Variants in KATNAL1 observed in about 807,000 individuals in gnomAD.
KATNAL1 encodes katanin p60 ATPase-containing subunit A-like 1.
KATNAL1 carries 32 observed loss-of-function variants against 55.2 expected under a neutral mutation model. The ratio of observed to expected loss-of-function variants is 0.58; its 90% CI spans 0.44 to 0.78. The LOEUF (loss-of-function observed/expected upper bound fraction) is 0.78. KATNAL1 is among the 30% of genes least tolerant of loss of function. KATNAL1 has a pLI of 0.00. For missense variants in KATNAL1, 466 were observed against 600.9 expected (o/e 0.78, Z 2.35); for synonymous variants, 193 against 193.6 (o/e 1.00, Z 0.02).
intron 2 of KATNAL1, 41 bp from the exon 3 acceptor site, chr13:30,280,264 A>T: frequency 6.8e-7 from 1 of 1,468,270 alleles, no homozygotes; most frequent in Non-Finnish European, 9.1e-7. Context: ...AAGCTGTTTA[A>T]ATACTTCATA....
At chr13:30,245,975 C>T (rs11618584) in intron 4 of KATNAL1, among the ~76,000 whole-genome samples, 21,859 of 152,078 alleles carry the variant, frequency 0.14, 1,802 homozygotes, top group Middle Eastern at 0.2. Context: ...TACTGCCCAA[C>T]GTAATTTACA....
intron 3 of KATNAL1, among the ~76,000 whole-genome samples, chr13:30,271,479 C>T (rs1880351064): frequency 6.6e-6 from 1 of 152,254 alleles, no homozygotes; most frequent in East Asian, 1.9e-4. Flanking sequence ...GAAGACACAT[C>T]ACATGGCCAG....
chr13:30,248,740 C>T (rs1039039450), intron 4 of KATNAL1, among the ~76,000 whole-genome samples: 2 of 152,232 alleles, frequency 1.3e-5, no homozygotes, highest in South Asian at 2.1e-4. Flanking sequence ...GCCTGGCCAA[C>T]GTGGTGAAAC....
chr13:30,303,542 G>A (rs1882993258), intron 1 of KATNAL1, among the ~76,000 whole-genome samples: 1 of 152,224 alleles, frequency 6.6e-6, no homozygotes, highest in Non-Finnish European at 1.5e-5. Flanking sequence ...TCCAGCCTAG[G>A]TGACAGAGTC....
Position 30,265,715 on chromosome 13 carries a change from T to A in KATNAL1, c.324-10100A>T, listed in dbSNP as rs894502865. On this transcript the variant is annotated intron_variant, in intron 3 of 10. Coordinates refer to ENST00000380615, the MANE Select transcript of KATNAL1 (RefSeq NM_032116.5). ...CCTTTTAAGAGATTTTTTTTTTTTT[T>A]AAATCAGTCTCTTGGCCAGGCGTGG... Among the ~76,000 whole-genome samples the A allele has an allele frequency of 1.5e-4, 22 of 151,358 alleles. 1 individual carries two copies. Among genetic ancestry groups the A allele is most frequent in the South Asian group, 6.3e-4 (3 of 4,796 alleles).
At chr13:30,231,023 T>C (rs1177111649) in intron 7 of KATNAL1, among the ~76,000 whole-genome samples, 2 of 152,194 alleles carry the variant, frequency 1.3e-5, no homozygotes, top group Non-Finnish European at 2.9e-5. Context: ...ATCAGCTCCC[T>C]AGAGATCCAG....
chr13:30,258,623 T>C (rs559929560), intron 3 of KATNAL1, among the ~76,000 whole-genome samples: 1 of 152,356 alleles, frequency 6.6e-6, no homozygotes, highest in East Asian at 1.9e-4. Flanking sequence ...TAATAAATCT[T>C]TGCCTACCGC....
Position 30,227,415 on chromosome 13 carries a change from T to C in KATNAL1, c.1144A>G (p.Thr382Ala). ...CAAAATAGAGAAGACATCATACCTG[T>C]TGGGAGAGGTATATATATCCTTTTT... ...LEKRIYIPLP[T>A]AKGRAELLKI... Residue 382 changes from threonine (T) to alanine (A), a missense_variant, in exon 9 of 11, where the codon ACA becomes GCA. Physicochemically the swap from Thr to Ala is moderately conservative, Grantham distance 58. Coordinates refer to ENST00000380615, the MANE Select transcript of KATNAL1 (RefSeq NM_032116.5). 1 of 1,613,524 alleles carries C rather than the reference T, an allele frequency of 6.2e-7. No individual in the cohort carries two copies. Among genetic ancestry groups the C allele is most frequent in the Non-Finnish European group, 8.5e-7 (1 of 1,179,652 alleles).
intron 6 of KATNAL1, among the ~76,000 whole-genome samples, chr13:30,240,228 T>C (rs1398146375): frequency 6.6e-6 from 1 of 152,204 alleles, no homozygotes; most frequent in Admixed American, 6.5e-5. Context: ...TCAGCATCCC[T>C]GAGTGAAGTG....
At chr13:30,276,162 T>C (rs1202145101) in intron 3 of KATNAL1, among the ~76,000 whole-genome samples, 1 of 152,178 alleles carries the variant, frequency 6.6e-6, no homozygotes, top group African/African-American at 2.4e-5. Context: ...CGATCCTACT[T>C]TTGTAGCTCA....
At chr13:30,283,042 G>T (rs928128265) in intron 2 of KATNAL1, among the ~76,000 whole-genome samples, 16 of 151,674 alleles carry the variant, frequency 1.1e-4, no homozygotes, top group African/African-American at 3.9e-4. Flanking sequence ...GGCTGAGGTG[G>T]GTGGATCACT....
rs1298760546 is a variant in KATNAL1, at chr13:30,206,621, C to T, written c.*1919G>A. The stretch of plus-strand genomic sequence containing the variant: ...GTCTAACTAATCAACTATTGTTAGG[C>T]TGGTGCAAAAGTAATTGCGGTTTTT... On this transcript the variant is annotated 3_prime_UTR_variant, in exon 11 of 11. Transcript: ENST00000380615. 1 of 151,904 alleles carries T rather than the reference C, an allele frequency of 6.6e-6. No homozygotes were observed. Among genetic ancestry groups the T allele is most frequent in the Non-Finnish European group, 1.5e-5 (1 of 67,932 alleles). The allele number at this position is 151,904 out of a possible 1,614,324, so 9.4% of individuals were successfully genotyped here. A position where few individuals can be genotyped will look rare whatever the true frequency, so the allele number is the denominator to read the frequency against.
chr13:30,274,891 A>ACATACGCGCGCGCGCGCGCG (rs55740915), intron 3 of KATNAL1, among the ~76,000 whole-genome samples: 2 of 122,134 alleles, frequency 1.6e-5, no homozygotes, highest in South Asian at 2.5e-4. Flanking sequence ...GCACACACAT[A>ACATACGCGCGCGCGCGCGCG]CGCGCGCGCG....
At chr13:30,231,155 A>G (rs911347073) in intron 7 of KATNAL1, among the ~76,000 whole-genome samples, 159 bp downstream of exon 7, 2 of 152,202 alleles carry the variant, frequency 1.3e-5, no homozygotes, top group African/African-American at 4.8e-5. Context: ...CAACTACCCC[A>G]CAAAACCCAT....
At chr13:30,215,692 G>C (rs993515835) in intron 9 of KATNAL1, among the ~76,000 whole-genome samples, 1 of 151,530 alleles carries the variant, frequency 6.6e-6, no homozygotes, top group Admixed American at 6.6e-5. Context: ...ACCAAACACC[G>C]CATGTTCTCA....
intron 1 of KATNAL1, among the ~76,000 whole-genome samples, chr13:30,294,496 G>A (rs897692536): frequency 2.0e-5 from 3 of 152,178 alleles, no homozygotes; most frequent in East Asian, 1.9e-4. Flanking sequence ...AGGTGAGGAT[G>A]CTGCAGAAGT....
chr13:30,274,135 T>C (rs922098830), intron 3 of KATNAL1, among the ~76,000 whole-genome samples: 1 of 152,210 alleles, frequency 6.6e-6, no homozygotes, highest in Non-Finnish European at 1.5e-5. Context: ...AGAAAGGAAC[T>C]TGCAGGATCA....
intron 1 of KATNAL1, among the ~76,000 whole-genome samples, chr13:30,297,911 A>G (rs541609503): frequency 5.9e-5 from 9 of 152,322 alleles, no homozygotes; most frequent in African/African-American, 2.2e-4. Context: ...TCTTTTGGCT[A>G]CTACACTCAC....
chr13:30,298,404 C>T lies in KATNAL1; in HGVS notation c.-15+8927G>A, dbSNP rs76573703. ...ACATACTAAAATTTGTTTATTCACT[C>T]ATCAGTTCTCCATAGCGCACTTCAC... On this transcript the variant is annotated intron_variant, in intron 1 of 10. Transcript: ENST00000380615. Among the ~76,000 whole-genome samples, 228 of 152,288 alleles carry T rather than the reference C, an allele frequency of 1.5e-3. 1 individual carries two copies. The highest frequency in any genetic ancestry group is 5.2e-3 in the African/African-American group (218 of 41,558).
Sources: gnomAD v4.1 joint callset for allele counts (sites outside exome capture counted in the v4.1 genomes callset) on GRCh38, gnomAD v4.1.1 for gene constraint, MANE v1.5 for transcripts, NCBI Gene and HGNC (gene_info 2026-07-23, HGNC 2026-07-21) for gene names.